PCDHGA3: variants seen among roughly 807,000 people sequenced by gnomAD.
PCDHGA3 encodes protocadherin gamma-A3.
Under a neutral mutation model 58.5 loss-of-function variants are expected in PCDHGA3, and 40 were observed. That is an observed-to-expected ratio of 0.68 (90% CI 0.53 to 0.89). The LOEUF (loss-of-function observed/expected upper bound fraction) is 0.89. Among genes scored for constraint, PCDHGA3 ranks in the 40% least tolerant of loss-of-function variants. The probability of loss-of-function intolerance (pLI) is 0.00; values close to 1 mark genes in which losing one functional copy is unlikely to be tolerated. For missense variants in PCDHGA3, 1,223 were observed against 1,195.9 expected, an observed-to-expected ratio of 1.02 and a Z score of -0.33; for synonymous variants, 530 against 525.7, an observed-to-expected ratio of 1.01 and a Z score of -0.11.
intron 1 of PCDHGA3, among the ~76,000 whole-genome samples, chr5:141,473,366 A>T (rs1292258135): frequency 1.3e-5 from 2 of 152,202 alleles, no homozygotes; most frequent in Non-Finnish European, 2.9e-5. Context: ...GGCCACCAAA[A>T]TAGCATGGTC....
intron 1 of PCDHGA3, chr5:141,388,942 T>C: frequency 6.2e-7 from 1 of 1,614,004 alleles, no homozygotes; most frequent in African/African-American, 1.3e-5. Flanking sequence ...CTACCCAACC[T>C]AATTATGGAG....
At chr5:141,372,403 A>G in intron 1 of PCDHGA3, 1 of 1,614,028 alleles carries the variant, frequency 6.2e-7, no homozygotes, top group Non-Finnish European at 8.5e-7. Flanking sequence ...AGCTTGCAAG[A>G]GATACAACCT....
rs185280755 is a variant in PCDHGA3 at position 141,476,824 on chromosome 5, C to T, written c.2425-17983C>T. Reference sequence around the variant, plus strand: ...TGCCTATTCACATCAAGGTGCTGGACGCGAATGACAATGCGCCTGTCTTCA... The same window carrying T: ...TGCCTATTCACATCAAGGTGCTGGATGCGAATGACAATGCGCCTGTCTTCA... On this transcript the variant is annotated intron_variant, in intron 1 of 3. Transcript: ENST00000253812. This position sits in a 1 kb window ranked among gnomAD's most constrained non-coding sequence, Gnocchi z 7.6. 24 of 1,613,588 alleles carry T rather than the reference C, an allele frequency of 1.5e-5. No homozygotes were observed. The East Asian group carries it at 4.5e-4, about 30-fold the overall frequency.
In PCDHGA3 at chr5:141,421,903, G is replaced by T. The variant is rs757656265; in HGVS notation, c.2425-72904G>T. 2.5e-6 allele frequency: 4 copies of T among 1,613,704 alleles called. No homozygotes were observed. In the East Asian group the frequency reaches 6.7e-5, roughly 27 times the overall value. ...TGGAGGCGATCCCATCCGAAAGGGCGCAGTTCCCATTCGTGTGGTGGTCCT... is the reference window on the plus strand; with the variant it reads ...TGGAGGCGATCCCATCCGAAAGGGCTCAGTTCCCATTCGTGTGGTGGTCCT... On this transcript the variant is annotated intron_variant, in intron 1 of 3. Transcript: ENST00000253812.
At chr5:141,444,288 C>T (rs2098430665) in intron 1 of PCDHGA3, among the ~76,000 whole-genome samples, 1 of 150,100 alleles carries the variant, frequency 6.7e-6, no homozygotes, top group South Asian at 2.1e-4. Flanking sequence ...TCTCCTGCCT[C>T]AGCCTCCCTA....
chr5:141,350,771 C>G, intron 1 of PCDHGA3: 1 of 1,613,922 alleles, frequency 6.2e-7, no homozygotes, highest in African/African-American at 1.3e-5. Context: ...CACCATCAAC[C>G]CCAATCAATA....
chr5:141,494,316 G>T (rs2099753509), intron 1 of PCDHGA3, among the ~76,000 whole-genome samples: 1 of 152,172 alleles, frequency 6.6e-6, no homozygotes, highest in Admixed American at 6.5e-5. Flanking sequence ...TGCACAACCT[G>T]GCACCAAAAG....
At chr5:141,371,658 A>T (rs764550191) in intron 1 of PCDHGA3, 4 of 1,613,920 alleles carry the variant, frequency 2.5e-6, no homozygotes. Context: ...CAATGTGACG[A>T]TCACAGCTAC....
chr5:141,451,001 A>G (rs909477017), intron 1 of PCDHGA3, among the ~76,000 whole-genome samples: 1 of 148,266 alleles, frequency 6.7e-6, no homozygotes, highest in African/African-American at 2.5e-5. Context: ...ATTTTTTTGT[A>G]TTTTTTTTAG....
intron 1 of PCDHGA3, among the ~76,000 whole-genome samples, chr5:141,450,363 T>C (rs2098678373): frequency 6.6e-6 from 1 of 152,162 alleles, no homozygotes; most frequent in Admixed American, 6.5e-5. Flanking sequence ...TTCCTCAGCC[T>C]TGTTTGTTTA....
intron 1 of PCDHGA3, chr5:141,404,643 AC>A (rs769032535): frequency 2.5e-6 from 4 of 1,614,126 alleles, no homozygotes; most frequent in East Asian, 4.5e-5. Flanking sequence ...GAAATCCTGT[AC>A]CCTGCCCTCC....
At chr5:141,347,112 C>CTCCTTCCT (rs753513852) in intron 1 of PCDHGA3, among the ~76,000 whole-genome samples, 1 of 80,984 alleles carries the variant, frequency 1.2e-5, no homozygotes, top group African/African-American at 6.3e-5. Flanking sequence ...TCTCTCTTTC[C>CTCCTTCCT]TCCTTCCTTC....
At position 141,491,753 on chromosome 5, in the gene PCDHGA3, C is replaced by T. The variant is rs373728953; in HGVS notation, c.2425-3054C>T. On this transcript the variant is annotated intron_variant, in intron 1 of 3. Coordinates refer to ENST00000253812, the MANE Select transcript of PCDHGA3 (RefSeq NM_018916.4). The surrounding 1 kb of genome is among the most constrained non-coding windows in gnomAD (Gnocchi z 6.9). ...ACCCCTGGGGGCGGCACTGGAGAAGCCGCCCGTCCTCATAAGGGATTGAAC... is the reference window on the plus strand; with the variant it reads ...ACCCCTGGGGGCGGCACTGGAGAAGTCGCCCGTCCTCATAAGGGATTGAAC... 4 of 1,585,146 alleles carry T rather than the reference C, an allele frequency of 2.5e-6. No homozygotes were observed. Among genetic ancestry groups the T allele is most frequent in the East Asian group, 2.3e-5 (1 of 43,412 alleles).
intron 1 of PCDHGA3, chr5:141,419,707 C>G (rs781629810): frequency 6.2e-7 from 1 of 1,613,180 alleles, no homozygotes. Flanking sequence ...AGCCCGGGCT[C>G]TTCAGCCTGG....
Position 141,345,719 on chromosome 5 carries a change from C to T in PCDHGA3, c.1686C>T (p.Ile562=). 6.2e-7 allele frequency: 1 copy of T among 1,614,258 alleles called. No individual in the cohort carries two copies. Among genetic ancestry groups the T allele is most frequent in the South Asian group, 1.1e-5 (1 of 91,086 alleles). The change falls in exon 1 of 4, where the codon ATC becomes ATT. Residue 562 remains isoleucine, a synonymous_variant. Transcript: ENST00000253812. The part of the protein sequence containing the change: ...VLDQNDNAPE[I]LYPALPTDGS... ...ACCAGAACGACAACGCGCCCGAGAT[C>T]CTGTACCCCGCCCTCCCCACAGACG...
At chr5:141,405,047 G>A in intron 1 of PCDHGA3, 4 of 1,613,944 alleles carry the variant, frequency 2.5e-6, no homozygotes, top group Non-Finnish European at 2.5e-6. Context: ...GGCTGTGGCA[G>A]TCGTCTCCTG....
chr5:141,393,899 C>T, intron 1 of PCDHGA3: 1 of 1,613,932 alleles, frequency 6.2e-7, no homozygotes, highest in Non-Finnish European at 8.5e-7. Context: ...ATTCTCTTCC[C>T]GGGACAGTAA....
intron 1 of PCDHGA3, among the ~76,000 whole-genome samples, chr5:141,448,196 A>G (rs753761675): frequency 1.3e-5 from 2 of 152,176 alleles, no homozygotes; most frequent in Non-Finnish European, 2.9e-5. Context: ...TACACTTACA[A>G]ACATTTTCTG....
intron 1 of PCDHGA3, chr5:141,350,384 G>A: frequency 6.3e-7 from 1 of 1,591,394 alleles, no homozygotes; most frequent in East Asian, 2.2e-5. Flanking sequence ...GCTAGCCAAC[G>A]GCTCACGGGT....
Sources: allele counts gnomAD v4.1 joint callset (sites outside exome capture counted in the v4.1 genomes callset), GRCh38; gene constraint gnomAD v4.1.1; non-coding constraint Gnocchi (gnomAD v3.1); transcripts MANE v1.5; gene names NCBI Gene and HGNC (gene_info 2026-07-23, HGNC 2026-07-21).